COX7B2: variants seen among roughly 807,000 people sequenced by gnomAD.
COX7B2 encodes cytochrome c oxidase subunit 7B2, mitochondrial.
For missense variants in COX7B2, 109 were observed against 95.9 expected, an observed-to-expected ratio of 1.14 and a Z score of -0.57; for synonymous variants, 37 against 32.1, an observed-to-expected ratio of 1.15 and a Z score of -0.51.
rs553297354 is a variant in COX7B2, at chr4:46,781,845, C to G, written c.-49-46604G>C. Among the ~76,000 whole-genome samples the G allele has an allele frequency of 1.2e-3, 187 of 152,344 alleles. 1 individual carries two copies. The highest frequency in any genetic ancestry group is 4.3e-3 in the African/African-American group (177 of 41,594). Reference sequence around the variant, plus strand: ...CAAGCCAGCAGCTGCAGAGGATGTGCGGGGTCCCTCAGCATTACCTGCCCA... The same window carrying G: ...CAAGCCAGCAGCTGCAGAGGATGTGGGGGGTCCCTCAGCATTACCTGCCCA... On this transcript the variant is annotated intron_variant, in intron 2 of 2. Coordinates refer to ENST00000355591, the MANE Select transcript of COX7B2 (RefSeq NM_130902.3).
At chr4:46,754,716 G>GTATATATA (rs1327856395) in intron 2 of COX7B2, among the ~76,000 whole-genome samples, 11 of 21,856 alleles carry the variant, frequency 5.0e-4, no homozygotes, top group Middle Eastern at 0.021. Context: ...GTGTGTGTGT[G>GTATATATA]TGTGTGTGTG....
chr4:46,808,150 CATG>C (rs759365640), intron 2 of COX7B2, among the ~76,000 whole-genome samples: 3 of 151,764 alleles, frequency 2.0e-5, no homozygotes, highest in Admixed American at 1.3e-4. Context: ...TCTTCTTATC[CATG>C]ATAACAAGGT....
At chr4:46,765,036 T>C (rs1169393216) in intron 2 of COX7B2, among the ~76,000 whole-genome samples, 3 of 151,922 alleles carry the variant, frequency 2.0e-5, no homozygotes, top group Admixed American at 6.6e-5. Context: ...AAAATGCATT[T>C]TTTTCATTTA....
chr4:46,762,467 G>GTATATATACTATATA (rs1560362390), intron 2 of COX7B2, among the ~76,000 whole-genome samples: 1 of 134,732 alleles, frequency 7.4e-6, no homozygotes, highest in African/African-American at 2.7e-5. Context: ...TATAGTATAT[G>GTATATATACTATATA]TACTATATAT....
At chr4:46,772,824 A>G (rs1437334778) in intron 2 of COX7B2, among the ~76,000 whole-genome samples, 1 of 152,190 alleles carries the variant, frequency 6.6e-6, no homozygotes, top group African/African-American at 2.4e-5. Context: ...GCTAGTGCTT[A>G]CTTACTCCAG....
intron 2 of COX7B2, among the ~76,000 whole-genome samples, chr4:46,826,496 C>T (rs188715777): frequency 2.6e-5 from 4 of 152,002 alleles, no homozygotes; most frequent in South Asian, 2.1e-4. Flanking sequence ...AAATACCATT[C>T]GACCCAACAA....
intron 2 of COX7B2, among the ~76,000 whole-genome samples, chr4:46,738,044 T>C (rs894547800): frequency 6.6e-6 from 1 of 152,120 alleles, no homozygotes. Context: ...TTGAATTGAA[T>C]TCAGAGAGTA....
At chr4:46,807,183 T>C (rs1719045174) in intron 2 of COX7B2, among the ~76,000 whole-genome samples, 1 of 151,996 alleles carries the variant, frequency 6.6e-6, no homozygotes, top group Non-Finnish European at 1.5e-5. Context: ...ATTTGTTATC[T>C]TTTGTTTTTT....
chr4:46,765,938 C>T (rs2109495600), intron 2 of COX7B2, among the ~76,000 whole-genome samples: 1 of 152,116 alleles, frequency 6.6e-6, no homozygotes, highest in Non-Finnish European at 1.5e-5. Flanking sequence ...GTCTTCAGGC[C>T]TACTCCAGCA....
chr4:46,842,405 T>A (rs1047800023), intron 2 of COX7B2, among the ~76,000 whole-genome samples: 5 of 151,962 alleles, frequency 3.3e-5, no homozygotes, highest in African/African-American at 9.7e-5. Flanking sequence ...CTTTTTTTAT[T>A]TTATTATTAT....
intron 1 of COX7B2, among the ~76,000 whole-genome samples, chr4:46,870,966 C>G (rs1717954504): frequency 6.6e-6 from 1 of 151,286 alleles, no homozygotes; most frequent in Non-Finnish European, 1.5e-5. Flanking sequence ...TGACATTCTT[C>G]ACAGAACTAG....
chr4:46,797,008 G>A (rs1301303314), intron 2 of COX7B2, among the ~76,000 whole-genome samples: 1 of 88,778 alleles, frequency 1.1e-5, no homozygotes, highest in Non-Finnish European at 2.1e-5. Flanking sequence ...CACATTAGTG[G>A]GTGCAGCGCA....
chr4:46,886,703 A>G (rs889069745), intron 1 of COX7B2, among the ~76,000 whole-genome samples: 1 of 152,252 alleles, frequency 6.6e-6, no homozygotes, highest in Non-Finnish European at 1.5e-5. Context: ...GTCAGAATAT[A>G]TGTTAGAACA....
At chr4:46,742,218 T>C (rs563992586) in intron 2 of COX7B2, among the ~76,000 whole-genome samples, 1 of 152,168 alleles carries the variant, frequency 6.6e-6, no homozygotes, top group Non-Finnish European at 1.5e-5. Context: ...TGATACACTT[T>C]TGGAGCTAGG....
intron 2 of COX7B2, among the ~76,000 whole-genome samples, chr4:46,745,291 T>TA (rs1560347716): frequency 5.9e-5 from 9 of 152,174 alleles, no homozygotes; most frequent in African/African-American, 1.9e-4. Flanking sequence ...TGTTAATTAA[T>TA]CTTTTTATGA....
chr4:46,863,730 A>G (rs1717478360), intron 1 of COX7B2, among the ~76,000 whole-genome samples: 1 of 151,898 alleles, frequency 6.6e-6, no homozygotes, highest in South Asian at 2.1e-4. Flanking sequence ...TCTGGTTTTA[A>G]CTCTTCATAT....
At chr4:46,885,188 A>G (rs995860289) in intron 1 of COX7B2, among the ~76,000 whole-genome samples, 1 of 152,018 alleles carries the variant, frequency 6.6e-6, no homozygotes, top group Admixed American at 6.6e-5. Flanking sequence ...TCCTTTCACA[A>G]CATTTATTGA....
Position 46,735,153 on chromosome 4 carries a change from T to A in COX7B2, c.40A>T (p.Lys14Ter), listed in dbSNP as rs1448720607. 6.2e-7 allele frequency: 1 copy of A among 1,613,344 alleles called. No homozygotes were observed. The highest frequency in any genetic ancestry group is 8.5e-7 in the Non-Finnish European group (1 of 1,179,756). ...PLARNALSSL[K>*]IQSILQSMAR... ...ATGCTTTGCAGAATGCTTTGAATCT[T>A]GAGACTGCTTAGTGCATTTCTGGCC... Residue 14 changes from lysine to a stop codon, truncating the protein, a stop_gained, in exon 3 of 3, where the codon AAG becomes TAG. Transcript: ENST00000355591. LOFTEE classifies it low-confidence loss of function (END_TRUNC).
intron 2 of COX7B2, among the ~76,000 whole-genome samples, chr4:46,792,513 A>T (rs984822999): frequency 3.7e-4 from 57 of 152,092 alleles, no homozygotes; most frequent in African/African-American, 1.4e-3. Context: ...TCCCCCTGAC[A>T]CTCAGACTGA....
Sources: gnomAD v4.1 joint callset for allele counts (sites outside exome capture counted in the v4.1 genomes callset) on GRCh38, gnomAD v4.1.1 for gene constraint, MANE v1.5 for transcripts, NCBI Gene and HGNC (gene_info 2026-07-23, HGNC 2026-07-21) for gene names.